Variants in QSER1 observed in about 807,000 individuals in gnomAD.
The protein encoded by QSER1 is glutamine and serine-rich protein 1.
QSER1 carries 49 observed loss-of-function variants against 158.5 expected under a neutral mutation model. The observed-to-expected ratio is 0.31, with a 90% CI of 0.25 to 0.39. The LOEUF (loss-of-function observed/expected upper bound fraction) is 0.39, where lower values mean the gene tolerates loss of function less well. Among genes scored for constraint, QSER1 ranks in the 10% least tolerant of loss-of-function variants. The probability of loss-of-function intolerance (pLI) is 1.00; values close to 1 mark genes in which losing one functional copy is unlikely to be tolerated. For synonymous variants in QSER1, 650 were observed against 715.5 expected, an observed-to-expected ratio of 0.91 and a Z score of 1.46; for missense variants, 1,754 against 2,010.3, an observed-to-expected ratio of 0.87 and a Z score of 2.44.
chr11:32,903,570 G>C lies in QSER1; in HGVS notation c.209+10236G>C, dbSNP rs974550234. ...ATGAGAAGAAAAAATGTTACCTTGG[G>C]AAACAGGGTGCTTCAGTAAGTTTTT... On this transcript the variant is annotated intron_variant, in intron 1 of 12. Coordinates refer to ENST00000650167, the MANE Select transcript of QSER1 (RefSeq NM_001076786.3). Among the ~76,000 whole-genome samples the C allele has an allele frequency of 7.3e-5, 11 of 151,406 alleles. 1 individual carries two copies. The highest frequency in any genetic ancestry group is 4.6e-4 in the Admixed American group (7 of 15,204).
At chr11:32,900,112 G>T (rs1321452378) in intron 1 of QSER1, among the ~76,000 whole-genome samples, 2 of 152,078 alleles carry the variant, frequency 1.3e-5, no homozygotes, top group Admixed American at 6.5e-5. Flanking sequence ...ATAATTTCCT[G>T]CATGGATAAT....
chr11:32,927,584 T>G (rs1851989546), intron 2 of QSER1, among the ~76,000 whole-genome samples: 1 of 152,042 alleles, frequency 6.6e-6, no homozygotes, highest in Admixed American at 6.6e-5. Flanking sequence ...ATTTTTGTAT[T>G]TTTTAGTAGA....
At chr11:32,971,411 A>G (rs1298934796) in intron 10 of QSER1, among the ~76,000 whole-genome samples, 1 of 152,170 alleles carries the variant, frequency 6.6e-6, no homozygotes, top group Non-Finnish European at 1.5e-5. Context: ...TTTTTCTGAA[A>G]TCTGTGTACT....
intron 3 of QSER1, among the ~76,000 whole-genome samples, chr11:32,928,741 A>C (rs1392591329): frequency 6.6e-6 from 1 of 152,120 alleles, no homozygotes; most frequent in African/African-American, 2.4e-5. Context: ...GAAATGTCAT[A>C]GTTTATTTGA....
chr11:32,945,195 G>A (rs1852309320), intron 4 of QSER1, among the ~76,000 whole-genome samples: 1 of 144,830 alleles, frequency 6.9e-6, no homozygotes, highest in Non-Finnish European at 1.5e-5. Context: ...TATCCAATTT[G>A]CCAGTCTGTG....
chr11:32,939,948 A>AT (rs35359579), intron 4 of QSER1, among the ~76,000 whole-genome samples: 6,529 of 124,326 alleles, frequency 0.053, 264 homozygotes, highest in African/African-American at 0.11. Flanking sequence ...GAAGACTGAG[A>AT]TTTTTTTTTT....
chr11:32,961,281 C>T (rs566424085), intron 8 of QSER1, among the ~76,000 whole-genome samples: 2 of 152,230 alleles, frequency 1.3e-5, no homozygotes, highest in Admixed American at 1.3e-4. Flanking sequence ...ATAGATACTC[C>T]TGATACTGAC....
At position 32,933,406 on chromosome 11, in the gene QSER1, T is replaced by C. The variant is rs781674869; in HGVS notation, c.2148T>C (p.Asp716=). 6.2e-7 allele frequency: 1 copy of C among 1,613,926 alleles called. No homozygotes were observed. The highest frequency in any genetic ancestry group is 8.5e-7 in the Non-Finnish European group (1 of 1,179,952). ...SLESSTQRLS[D]GEINAQESTY... is the part of the protein sequence containing the mutation. Reference sequence around the variant, plus strand: ...AGTCATCAACCCAAAGGCTATCTGATGGAGAAATTAATGCTCAAGAATCAA... The same window carrying C: ...AGTCATCAACCCAAAGGCTATCTGACGGAGAAATTAATGCTCAAGAATCAA... The change falls in exon 4 of 13, where the codon GAT becomes GAC. Residue 716 remains aspartate, a synonymous_variant. Coordinates refer to ENST00000650167, the MANE Select transcript of QSER1 (RefSeq NM_001076786.3).
chr11:32,941,711 T>C (rs991802814), intron 4 of QSER1, among the ~76,000 whole-genome samples: 8 of 152,192 alleles, frequency 5.3e-5, no homozygotes, highest in Non-Finnish European at 1.0e-4. Context: ...TGTGTCTTTA[T>C]AGCAGCATGA....
At chr11:32,947,658 A>G (rs1852358509) in intron 4 of QSER1, among the ~76,000 whole-genome samples, 1 of 152,154 alleles carries the variant, frequency 6.6e-6, no homozygotes, top group Non-Finnish European at 1.5e-5. Context: ...TTTTATAATA[A>G]TAAAAAGTTT....
intron 11 of QSER1, 67 bp downstream of exon 11, chr11:32,973,616 C>T: frequency 1.4e-6 from 2 of 1,413,882 alleles, no homozygotes; most frequent in Non-Finnish European, 1.9e-6. Flanking sequence ...CTACTTAAAA[C>T]ATTGAAACAA....
chr11:32,972,947 C>T (rs1436749139), intron 10 of QSER1, among the ~76,000 whole-genome samples: 1 of 152,174 alleles, frequency 6.6e-6, no homozygotes, highest in African/African-American at 2.4e-5. Flanking sequence ...TATAGCAAGG[C>T]CCAGCCACAT....
At chr11:32,931,457 A>T (rs908740435) in intron 3 of QSER1, among the ~76,000 whole-genome samples, 1 of 152,210 alleles carries the variant, frequency 6.6e-6, no homozygotes, top group East Asian at 1.9e-4. Context: ...ATGCGCCTGT[A>T]GTCTCAGCTA....
Position 32,977,702 on chromosome 11 carries a change from G to A in QSER1, c.*1228G>A, listed in dbSNP as rs576647515. On this transcript the variant is annotated 3_prime_UTR_variant, in exon 13 of 13. Coordinates refer to ENST00000650167, the MANE Select transcript of QSER1 (RefSeq NM_001076786.3). ...AAGTAGTTTAGCTGAGACAGTGAATGTATTAGGTTCAACATGACCTTGTGT... is the reference window on the plus strand; with the variant it reads ...AAGTAGTTTAGCTGAGACAGTGAATATATTAGGTTCAACATGACCTTGTGT... 2.0e-5 allele frequency: 3 copies of A among 152,612 alleles called. No individual in the cohort carries two copies. Among genetic ancestry groups the A allele is most frequent in the Non-Finnish European group, 4.4e-5 (3 of 68,026 alleles). 9.5% of individuals were successfully genotyped at this position (152,612 alleles called of 1,614,324 possible). A position where few individuals can be genotyped will look rare whatever the true frequency, so the allele number is the denominator to read the frequency against.
chr11:32,947,050 C>T (rs554106420), intron 4 of QSER1, among the ~76,000 whole-genome samples: 9 of 152,356 alleles, frequency 5.9e-5, no homozygotes, highest in South Asian at 2.1e-4. Flanking sequence ...TGACCCCTTG[C>T]GCTTCCCGAG....
At chr11:32,918,746 G>C (rs1462881069) in intron 1 of QSER1, among the ~76,000 whole-genome samples, 1 of 152,106 alleles carries the variant, frequency 6.6e-6, no homozygotes, top group Non-Finnish European at 1.5e-5. Context: ...GTCTGTTCAA[G>C]AAGTGATTGG....
chr11:32,946,095 T>C (rs1294096076), intron 4 of QSER1, among the ~76,000 whole-genome samples: 1 of 152,192 alleles, frequency 6.6e-6, no homozygotes, highest in Non-Finnish European at 1.5e-5. Flanking sequence ...CGTCAGCTCC[T>C]TTAAGCACTT....
At chr11:32,906,615 T>G (rs1851697973) in intron 1 of QSER1, among the ~76,000 whole-genome samples, 1 of 151,944 alleles carries the variant, frequency 6.6e-6, no homozygotes, top group Non-Finnish European at 1.5e-5. Flanking sequence ...GGTCTTGCTA[T>G]TTTCTCAGGG....
intron 8 of QSER1, among the ~76,000 whole-genome samples, chr11:32,959,959 G>A (rs1399630428): frequency 6.6e-6 from 1 of 152,044 alleles, no homozygotes; most frequent in Non-Finnish European, 1.5e-5. Context: ...TAGACACAGG[G>A]TCTCACTGTG....
Sources: allele counts gnomAD v4.1 joint callset (sites outside exome capture counted in the v4.1 genomes callset), GRCh38; gene constraint gnomAD v4.1.1; transcripts MANE v1.5; gene names NCBI Gene and HGNC (gene_info 2026-07-23, HGNC 2026-07-21).